Variants in RETREG3 observed in about 807,000 individuals in gnomAD.
RETREG3 encodes reticulophagy regulator family member 3, also known as reticulophagy regulator 3.
Under a neutral mutation model 50.2 loss-of-function variants are expected in RETREG3, and 23 were observed. The ratio of observed to expected loss-of-function variants is 0.46; its 90% CI spans 0.33 to 0.65. The LOEUF (loss-of-function observed/expected upper bound fraction) is 0.65, where lower values mean the gene tolerates loss of function less well. Ranked by LOEUF, RETREG3 falls within the 30% of genes least tolerant of loss-of-function variation. RETREG3 has a pLI of 0.02. For missense variants in RETREG3, 546 were observed against 598.0 expected (o/e 0.91, Z 0.91); for synonymous variants, 240 against 234.4 (o/e 1.02, Z -0.22).
At chr17:42,585,379 C>T (rs955756756) in intron 5 of RETREG3, 117 bp from the exon 6 acceptor site, 24 of 1,390,772 alleles carry the variant, frequency 1.7e-5, no homozygotes, top group Non-Finnish European at 2.2e-5. Flanking sequence ...AACAGATCTG[C>T]CCAAGTCTGC....
intron 2 of RETREG3, among the ~76,000 whole-genome samples, chr17:42,591,383 G>A (rs527920378): frequency 4.1e-5 from 6 of 147,624 alleles, no homozygotes; most frequent in South Asian, 2.1e-4. Context: ...TCTTGTCACC[G>A]AGGCTGGAGT....
intron 1 of RETREG3, among the ~76,000 whole-genome samples, chr17:42,607,957 G>A (rs1250797040): frequency 2.0e-5 from 3 of 152,140 alleles, no homozygotes; most frequent in African/African-American, 4.8e-5. Flanking sequence ...AACTGGGAGA[G>A]GATTAGCTTA....
chr17:42,590,955 A>C (rs2093131988), intron 2 of RETREG3, among the ~76,000 whole-genome samples: 1 of 152,220 alleles, frequency 6.6e-6, no homozygotes, highest in Non-Finnish European at 1.5e-5. Flanking sequence ...CAACAGAGTG[A>C]GACTCCGTCT....
At chr17:42,602,978 A>C (rs1339355062) in intron 1 of RETREG3, among the ~76,000 whole-genome samples, 2 of 152,108 alleles carry the variant, frequency 1.3e-5, no homozygotes, top group African/African-American at 4.8e-5. Flanking sequence ...ATTAGTAAAT[A>C]ATTTCCATTT....
chr17:42,605,477 G>A (rs112586676), intron 1 of RETREG3, among the ~76,000 whole-genome samples: 98 of 152,160 alleles, frequency 6.4e-4, no homozygotes, highest in African/African-American at 1.9e-3. Flanking sequence ...ATTTCTAAGC[G>A]AAATGTCAAC....
intron 6 of RETREG3, among the ~76,000 whole-genome samples, chr17:42,584,593 T>G (rs933550382): frequency 6.6e-6 from 1 of 152,074 alleles, no homozygotes; most frequent in Admixed American, 6.6e-5. Flanking sequence ...GAGGATCGCT[T>G]GAGCCCAGGA....
intron 1 of RETREG3, among the ~76,000 whole-genome samples, chr17:42,604,570 T>A (rs2093164240): frequency 6.6e-6 from 1 of 151,786 alleles, no homozygotes; most frequent in African/African-American, 2.4e-5. Context: ...CTTGGAAGAC[T>A]GAGGCAAGAG....
intron 4 of RETREG3, chr17:42,586,343 T>C (rs1567921466): frequency 1.1e-5 from 6 of 560,342 alleles, no homozygotes; most frequent in East Asian, 6.1e-5. Flanking sequence ...GCTAACCCCA[T>C]AGGGCTGCAC....
At chr17:42,590,725 G>C (rs1246134980) in intron 2 of RETREG3, among the ~76,000 whole-genome samples, 1 of 152,150 alleles carries the variant, frequency 6.6e-6, no homozygotes, top group Non-Finnish European at 1.5e-5. Context: ...CCAGCACTTT[G>C]GGAGGCCTAG....
At position 42,597,790 on chromosome 17, in the gene RETREG3, C is replaced by T. The variant is rs538851517; in HGVS notation, c.240-5628G>A. Among the ~76,000 whole-genome samples the T allele has an allele frequency of 3.8e-3, 568 of 150,118 alleles. 5 individuals carry two copies. Among genetic ancestry groups the T allele is most frequent in the African/African-American group, 0.013 (551 of 40,958 alleles). Reference sequence around the variant, plus strand: ...GGGTTAAGGTGTGCGCCACTGCGCCCAGCTAATTTTTGTATTTTTAGTAGA... The same window carrying T: ...GGGTTAAGGTGTGCGCCACTGCGCCTAGCTAATTTTTGTATTTTTAGTAGA... On this transcript the variant is annotated intron_variant, in intron 1 of 8. Coordinates refer to ENST00000309428, the MANE Select transcript of RETREG3 (RefSeq NM_178126.4).
At chr17:42,590,994 C>CA (rs1450879272) in intron 2 of RETREG3, among the ~76,000 whole-genome samples, 1 of 152,022 alleles carries the variant, frequency 6.6e-6, no homozygotes. Context: ...AAGAAACCAA[C>CA]AAAAAACCTA....
rs146468906 is a variant in RETREG3, at chr17:42,606,037, C to T, written c.239+3049G>A. On this transcript the variant is annotated intron_variant, in intron 1 of 8. Transcript: ENST00000309428. ...AAGTCACATCCTCATTTTGTTGTCTCTCTCCTGCACCTTCTTAAAATGTGA... is the reference window on the plus strand; with the variant it reads ...AAGTCACATCCTCATTTTGTTGTCTTTCTCCTGCACCTTCTTAAAATGTGA... Among the ~76,000 whole-genome samples, 206 of 149,076 alleles carry T rather than the reference C, an allele frequency of 1.4e-3. 5 individuals are homozygous for T. In the East Asian group the frequency reaches 0.033, roughly 24 times the overall value.
At position 42,581,736 on chromosome 17, in the gene RETREG3, T is replaced by C. The variant is rs940285179; in HGVS notation, c.*77A>G. ...ATTCAGGGGAGGGGAGCTGAGTTCTTCCCTTGCCCCATCACCTTAAGTGGG... is the reference window on the plus strand; with the variant it reads ...ATTCAGGGGAGGGGAGCTGAGTTCTCCCCTTGCCCCATCACCTTAAGTGGG... On this transcript the variant is annotated 3_prime_UTR_variant, in exon 9 of 9. Transcript: ENST00000309428. 9 of 1,345,242 alleles carry C rather than the reference T, an allele frequency of 6.7e-6. No individual in the cohort carries two copies. In the Admixed American group the frequency reaches 1.0e-4, roughly 16 times the overall value. The allele number at this position is 1,345,242 out of a possible 1,614,324, so 83.3% of individuals were successfully genotyped here.
At chr17:42,608,608 G>A (rs1241778974) in intron 1 of RETREG3, 1 of 153,720 alleles carries the variant, frequency 6.5e-6, no homozygotes, top group East Asian at 1.9e-4. Context: ...TATATAACAT[G>A]CTAATTCATG....
In RETREG3 at chr17:42,582,680, A is replaced by G; in HGVS notation, c.937T>C (p.Ser313Pro). The change falls in exon 8 of 9, where the codon TCT becomes CCT. Residue 313 changes from serine (S) to proline (P), a missense_variant. Ser to Pro is a moderately conservative substitution (Grantham distance 74). Coordinates refer to ENST00000309428, the MANE Select transcript of RETREG3 (RefSeq NM_178126.4). ...GGTCAAAGGCTCCCCTCACCTTCAG[A>G]GCCTTCCGTTAGAGGTGTTTGGCCC... The part of the protein sequence containing the change: ...SRGQTPLTEG[S>P]EDLDGHSDPE... 6.2e-7 allele frequency: 1 copy of G among 1,614,188 alleles called. No homozygotes were observed. Among genetic ancestry groups the G allele is most frequent in the Non-Finnish European group, 8.5e-7 (1 of 1,180,026 alleles).
rs144776175 is a variant in RETREG3, at chr17:42,609,299, G to T, written c.26C>A (p.Thr9Lys). Residue 9 changes from threonine to lysine, a missense_variant, in exon 1 of 9, where the codon ACG becomes AAG. By Grantham distance (78) the Thr-to-Lys change is moderately conservative. Coordinates refer to ENST00000309428, the MANE Select transcript of RETREG3 (RefSeq NM_178126.4). MAEAEGVP[T>K]TPGPASGSTF... The stretch of plus-strand genomic sequence containing the variant: ...CGACCCCGAAGCCGGGCCTGGGGTC[G>T]TGGGAACCCCTTCGGCCTCAGCCAT... 1.2e-6 allele frequency: 2 copies of T among 1,602,038 alleles called. No individual in the cohort carries two copies. The highest frequency in any genetic ancestry group is 4.5e-5 in the East Asian group (2 of 44,848).
At chr17:42,585,045 C>G (rs1277496279) in intron 6 of RETREG3, 80 bp downstream of exon 6, 7 of 1,552,726 alleles carry the variant, frequency 4.5e-6, no homozygotes, top group Admixed American at 1.8e-5. Flanking sequence ...TTTGAGGACC[C>G]ACCCAGTATG....
chr17:42,607,008 A>C (rs2093168967), intron 1 of RETREG3, among the ~76,000 whole-genome samples: 2 of 152,262 alleles, frequency 1.3e-5, no homozygotes, highest in South Asian at 4.1e-4. Context: ...AACAAAAATA[A>C]GTAAACCCTG....
chr17:42,589,032 C>T (rs1260035602), intron 2 of RETREG3, among the ~76,000 whole-genome samples: 1 of 150,730 alleles, frequency 6.6e-6, no homozygotes, highest in Admixed American at 6.6e-5. Context: ...CCTTGGGGGG[C>T]TGAGGCAGGA....
Sources: gnomAD v4.1 joint callset for allele counts (sites outside exome capture counted in the v4.1 genomes callset) on GRCh38, gnomAD v4.1.1 for gene constraint, MANE v1.5 for transcripts, NCBI Gene and HGNC (gene_info 2026-07-23, HGNC 2026-07-21) for gene names.